Variants in PLG observed in about 807,000 individuals in gnomAD.
The protein encoded by PLG is plasmin.
In PLG, 41 loss-of-function variants were observed where a neutral mutation model predicts 104.4. That is an observed-to-expected ratio of 0.39 (90% CI 0.31 to 0.51). The LOEUF (loss-of-function observed/expected upper bound fraction) is 0.51. Among genes scored for constraint, PLG ranks in the 20% least tolerant of loss-of-function variants. The probability of loss-of-function intolerance (pLI) is 0.76; values close to 1 mark genes in which losing one functional copy is unlikely to be tolerated. For synonymous variants in PLG, 337 were observed against 357.1 expected (o/e 0.94, Z 0.63); for missense variants, 891 against 1,003.6 (o/e 0.89, Z 1.52).
At chr6:160,730,998 G>A (rs559831045) in intron 10 of PLG, 53 bp from the exon 11 acceptor site, 3 of 1,548,086 alleles carry the variant, frequency 1.9e-6, no homozygotes, top group South Asian at 1.1e-5. Flanking sequence ...GGTGCTGGGT[G>A]CCCCTGAATA....
chr6:160,715,530 G>T (rs368165842), intron 6 of PLG, among the ~76,000 whole-genome samples: 17 of 152,276 alleles, frequency 1.1e-4, no homozygotes, highest in African/African-American at 3.6e-4. Context: ...AGTCATGATG[G>T]TTCCTAGAAT....
At position 160,744,239 on chromosome 6, in the gene PLG, A is replaced by G. The variant is rs1354668660; in HGVS notation, c.2125+2822A>G. On this transcript the variant is annotated intron_variant, in intron 17 of 18. Transcript: ENST00000308192. This position sits in a 1 kb window ranked among gnomAD's most constrained non-coding sequence, Gnocchi z 4.5. ...GAACGGTTTCAGTAGGAATGGTCAT[A>G]GCTCTTCTTTGTACATCTGGTGGAA... Among the ~76,000 whole-genome samples the G allele has an allele frequency of 1.3e-5, 2 of 152,202 alleles. No individual in the cohort carries two copies. The highest frequency in any genetic ancestry group is 4.8e-5 in the African/African-American group (2 of 41,450).
rs920815709 is a variant in PLG at position 160,752,358 on chromosome 6, T to C, written c.2271+98T>C. ...CCCCAGGTGGCAAATTCAAGGATTTTCAACCGAAGACCCCAGTCTAAGTGT... is the reference window on the plus strand; with the variant it reads ...CCCCAGGTGGCAAATTCAAGGATTTCCAACCGAAGACCCCAGTCTAAGTGT... On this transcript the variant is annotated intron_variant, in intron 18 of 18. Coordinates refer to ENST00000308192, the MANE Select transcript of PLG (RefSeq NM_000301.5). This position sits in a 1 kb window ranked among gnomAD's most constrained non-coding sequence, Gnocchi z 4.7. 5.6e-6 allele frequency: 6 copies of C among 1,078,118 alleles called. No homozygotes were observed. In the African/African-American group the frequency reaches 6.2e-5, roughly 11 times the overall value. The allele number at this position is 1,078,118 out of a possible 1,614,324, so 66.8% of individuals were successfully genotyped here.
At chr6:160,707,645 T>C in intron 2 of PLG, 55 bp from the exon 3 acceptor site, 3 of 1,475,842 alleles carry the variant, frequency 2.0e-6, no homozygotes, top group South Asian at 2.3e-5. Flanking sequence ...TAATAAACAT[T>C]TGTTTTCTTT....
intron 6 of PLG, among the ~76,000 whole-genome samples, chr6:160,715,453 G>A (rs1465620): frequency 0.58 from 88,859 of 152,036 alleles, 27,230 homozygotes; most frequent in Non-Finnish European, 0.7. Context: ...ATGAGGATTC[G>A]TAACTTCCAT....
Position 160,741,532 on chromosome 6 carries a change from C to T in PLG, c.2125+115C>T. 1 of 769,810 alleles carries T rather than the reference C, an allele frequency of 1.3e-6. No individual in the cohort carries two copies. The highest frequency in any genetic ancestry group is 2.0e-5 in the Admixed American group (1 of 50,210). 47.7% of individuals were successfully genotyped at this position (769,810 alleles called of 1,614,324 possible). A position where few individuals can be genotyped will look rare whatever the true frequency, so the allele number is the denominator to read the frequency against. ...TTCCTATCCATGAATGTGGTCCACC[C>T]CACTCCTGATTTTGCCTGGGCACCT... On this transcript the variant is annotated intron_variant, in intron 17 of 18. Transcript: ENST00000308192. The surrounding 1 kb of genome is among the most constrained non-coding windows in gnomAD (Gnocchi z 4.7).
chr6:160,720,851 C>T (rs548888111), intron 9 of PLG, among the ~76,000 whole-genome samples: 2 of 152,232 alleles, frequency 1.3e-5, no homozygotes, highest in South Asian at 4.1e-4. Context: ...TCTAAGTACC[C>T]ACAACATTCA....
At position 160,732,766 on chromosome 6, in the gene PLG, C is replaced by T. The variant is rs994610693; in HGVS notation, c.1587+873C>T. Among the ~76,000 whole-genome samples, 20 of 152,280 alleles carry T rather than the reference C, an allele frequency of 1.3e-4. No individual in the cohort carries two copies. Among genetic ancestry groups the T allele is most frequent in the African/African-American group, 3.9e-4 (16 of 41,552 alleles). On this transcript the variant is annotated intron_variant, in intron 12 of 18. Transcript: ENST00000308192. The surrounding 1 kb of genome is among the most constrained non-coding windows in gnomAD (Gnocchi z 4.5). ...TGAACAGCCAGACAGAAGAGATGCA[C>T]GGGGCAAGGCATGTGAGAAGGGGCT... is the stretch of plus-strand genomic sequence containing the variant.
At position 160,739,874 on chromosome 6, in the gene PLG, CTTTGA is replaced by C. The variant is rs916961577; in HGVS notation, c.2018+675_2018+679del. ...TAAATTATATTATTATTATTGTCTTCTTTGATTTGATTTTCTCTTTCCTGTTGAAA... is the reference window on the plus strand; with the variant it reads ...TAAATTATATTATTATTATTGTCTTCTTTGATTTTCTCTTTCCTGTTGAAA... On this transcript the variant is annotated intron_variant, in intron 16 of 18. Coordinates refer to ENST00000308192, the MANE Select transcript of PLG (RefSeq NM_000301.5). This position sits in a 1 kb window ranked among gnomAD's most constrained non-coding sequence, Gnocchi z 4.4. Among the ~76,000 whole-genome samples, 25 of 151,624 alleles carry C rather than the reference CTTTGA, an allele frequency of 1.6e-4. No individual in the cohort carries two copies. Among genetic ancestry groups the C allele is most frequent in the Admixed American group, 2.6e-4 (4 of 15,236 alleles).
In PLG at chr6:160,725,169, C is replaced by T. The variant is rs1260664860; in HGVS notation, c.1256+2602C>T. 6.6e-6 allele frequency among the ~76,000 whole-genome samples: 1 copy of T among 151,932 alleles called. No homozygotes were observed. Among genetic ancestry groups the T allele is most frequent in the East Asian group, 1.9e-4 (1 of 5,180 alleles). Reference sequence around the variant, plus strand: ...GGTGGAGGTTGCAGTGAGCTGAGATCGTGCCATTACGGTCCAACCTGGGTG... The same window carrying T: ...GGTGGAGGTTGCAGTGAGCTGAGATTGTGCCATTACGGTCCAACCTGGGTG... On this transcript the variant is annotated intron_variant, in intron 10 of 18. Transcript: ENST00000308192. This position sits in a 1 kb window ranked among gnomAD's most constrained non-coding sequence, Gnocchi z 6.3.
rs1777526507 is a variant in PLG, at chr6:160,706,467, C to G, written c.110C>G (p.Thr37Ser). The change falls in exon 2 of 19, where the codon ACT (threonine) becomes AGT (serine). Residue 37 changes from threonine (T) to serine (S), a missense_variant. Physicochemically the swap from Thr to Ser is moderately conservative, Grantham distance 58. This residue lies in a region of PLG where 854 missense variants were observed against 932.1 expected (regional missense o/e 0.92). Transcript: ENST00000308192. ...NTQGASLFSV[T>S]KKQLGAGSIE... ...CAGGGGGCTTCACTGTTCAGTGTCA[C>G]TAAGAAGCAGCTGGGAGCAGGAAGT... The G allele has an allele frequency of 1.2e-6, 2 of 1,613,690 alleles. No homozygotes were observed. The highest frequency in any genetic ancestry group is 1.7e-6 in the Non-Finnish European group (2 of 1,179,770).
chr6:160,738,521 C>A lies in PLG; in HGVS notation c.1803-17C>A, dbSNP rs201530084. On this transcript the variant is annotated splice_polypyrimidine_tract_variant and intron_variant, in intron 14 of 18. Coordinates refer to ENST00000308192, the MANE Select transcript of PLG (RefSeq NM_000301.5). The surrounding 1 kb of genome is among the most constrained non-coding windows in gnomAD (Gnocchi z 6.8). Reference sequence around the variant, plus strand: ...AGTATCAATTTAACTAAAATTTGAACTAAATCCTCTTTCCAGGTTTGGAAT... The same window carrying A: ...AGTATCAATTTAACTAAAATTTGAAATAAATCCTCTTTCCAGGTTTGGAAT... 2.5e-3 allele frequency: 3,856 copies of A among 1,548,606 alleles called. 9 individuals carry two copies. The highest frequency in any genetic ancestry group is 3.1e-3 in the Non-Finnish European group (3,477 of 1,120,214).
rs1428455417 is a variant in PLG, at chr6:160,718,851, A to T, written c.1096+13A>T. ...TTGGCTCCCACAGGTAAGCAAGGGT[A>T]TGGGAGCTTACTGAGGGCCCAAGTT... is the stretch of plus-strand genomic sequence containing the variant. On this transcript the variant is annotated intron_variant, in intron 9 of 18. Transcript: ENST00000308192. The T allele has an allele frequency of 1.9e-6, 3 of 1,612,686 alleles. No homozygotes were observed. The highest frequency in any genetic ancestry group is 2.5e-6 in the Non-Finnish European group (3 of 1,178,808).
rs575946180 is a variant in PLG, at chr6:160,713,061, G to A, written c.483G>A (p.Gly161=). The change falls in exon 5 of 19, where the codon GGG becomes GGA. Residue 161 remains glycine (G), a synonymous_variant. Transcript: ENST00000308192. ...GGAATCCAGACAACGATCCGCAGGG[G>A]CCCTGGTGCTATACTACTGATCCAG... ...YCRNPDNDPQ[G]PWCYTTDPEK... is the part of the protein sequence containing the mutation. 1.2e-6 allele frequency: 2 copies of A among 1,608,278 alleles called. No individual in the cohort carries two copies. The highest frequency in any genetic ancestry group is 2.2e-5 in the South Asian group (2 of 90,892).
chr6:160,731,355 C>CA lies in PLG; in HGVS notation c.1438+124dup. 1.1e-6 allele frequency: 1 copy of CA among 911,994 alleles called. No individual in the cohort carries two copies. Among genetic ancestry groups the CA allele is most frequent in the Non-Finnish European group, 1.8e-6 (1 of 570,092 alleles). 56.5% of individuals were successfully genotyped at this position (911,994 alleles called of 1,614,324 possible). A position where few individuals can be genotyped will look rare whatever the true frequency, so the allele number is the denominator to read the frequency against. On this transcript the variant is annotated intron_variant, in intron 11 of 18. Coordinates refer to ENST00000308192, the MANE Select transcript of PLG (RefSeq NM_000301.5). This position sits in a 1 kb window ranked among gnomAD's most constrained non-coding sequence, Gnocchi z 5.1. ...AATCAAGTGTTTTTAGAGGGTCTGC[C>CA]ATGTGGAAGGAAGCCTCAGTGCACT... is the stretch of plus-strand genomic sequence containing the variant.
At chr6:160,718,245 C>A in intron 7 of PLG, 49 bp from the exon 8 acceptor site, 1 of 1,504,740 alleles carries the variant, frequency 6.6e-7, no homozygotes, top group Non-Finnish European at 9.3e-7. Context: ...AGCGAGACTC[C>A]GTCTCAAAAA....
chr6:160,724,988 G>A lies in PLG; in HGVS notation c.1256+2421G>A, dbSNP rs1777900173. On this transcript the variant is annotated intron_variant, in intron 10 of 18. Coordinates refer to ENST00000308192, the MANE Select transcript of PLG (RefSeq NM_000301.5). The surrounding 1 kb of genome is among the most constrained non-coding windows in gnomAD (Gnocchi z 5.0). Reference sequence around the variant, plus strand: ...AAGATAATTGATGGGAGGCTGAGTCGGGCAGATCATGGGGTCAGGAGTTTG... The same window carrying A: ...AAGATAATTGATGGGAGGCTGAGTCAGGCAGATCATGGGGTCAGGAGTTTG... 2.0e-5 allele frequency among the ~76,000 whole-genome samples: 3 copies of A among 152,074 alleles called. No homozygotes were observed. The highest frequency in any genetic ancestry group is 4.8e-5 in the African/African-American group (2 of 41,408).
intron 17 of PLG, among the ~76,000 whole-genome samples, chr6:160,750,433 T>C (rs1009894694): frequency 7.9e-5 from 12 of 152,228 alleles, no homozygotes; most frequent in African/African-American, 2.9e-4. Context: ...TTCCCCCTTA[T>C]CAGCGTGTTT....
intron 9 of PLG, among the ~76,000 whole-genome samples, chr6:160,720,379 TTTTTTTCTTTTCTC>T (rs1163634185): frequency 1.0e-4 from 15 of 150,656 alleles, no homozygotes; most frequent in African/African-American, 3.4e-4. Flanking sequence ...AGATTGTTGA[TTTTTTTCTTTTCTC>T]TTTTTTCTTT....
Sources: allele counts gnomAD v4.1 joint callset (sites outside exome capture counted in the v4.1 genomes callset), GRCh38; gene constraint gnomAD v4.1.1; regional missense constraint gnomAD v4.1.1; non-coding constraint Gnocchi (gnomAD v3.1); transcripts MANE v1.5; gene names NCBI Gene and HGNC (gene_info 2026-07-23, HGNC 2026-07-21).